Variants in CCDC63 observed in about 807,000 individuals in gnomAD.
CCDC63 encodes the protein coiled-coil domain containing 63.
CCDC63 carries 54 observed loss-of-function variants against 63.6 expected under a neutral mutation model. That is an observed-to-expected ratio of 0.85 (90% CI 0.68 to 1.07). CCDC63 has a LOEUF of 1.07. CCDC63 is among the 50% of genes least tolerant of loss of function. CCDC63 has a pLI of 0.00. For synonymous variants in CCDC63, 253 were observed against 266.1 expected (o/e 0.95, Z 0.48); for missense variants, 637 against 689.6 (o/e 0.92, Z 0.86).
Position 110,906,318 on chromosome 12 carries a change from A to AGAGGAG in CCDC63, c.1547-990_1547-985dup, listed in dbSNP as rs141428157. ...GAGGGAGGAAGGCTCAGAGGCAGGA[A>AGAGGAG]GAGGAGGAGGAGGAGGAGGAGGAGG... On this transcript the variant is annotated intron_variant, in intron 11 of 11. Transcript: ENST00000308208. Among the ~76,000 whole-genome samples, 361 of 131,946 alleles carry AGAGGAG rather than the reference A, an allele frequency of 2.7e-3. 4 individuals are homozygous for AGAGGAG. The highest frequency in any genetic ancestry group is 9.5e-3 in the African/African-American group (330 of 34,592). The allele number at this position is 131,946 out of a possible 152,430, so 86.6% of individuals were successfully genotyped here. A position where few individuals can be genotyped will look rare whatever the true frequency, so the allele number is the denominator to read the frequency against.
chr12:110,889,162 C>T lies in CCDC63; in HGVS notation c.1075-3914C>T, dbSNP rs1175977588. ...TTGTGTATCTGATTGAAGCAAATGT[C>T]CTTTTGGTTACTCGTTCATCCAGCA... On this transcript the variant is annotated intron_variant, in intron 8 of 11. Coordinates refer to ENST00000308208, the MANE Select transcript of CCDC63 (RefSeq NM_152591.3). This position sits in a 1 kb window ranked among gnomAD's most constrained non-coding sequence, Gnocchi z 4.1. 6.6e-6 allele frequency among the ~76,000 whole-genome samples: 1 copy of T among 152,090 alleles called. No homozygotes were observed. Among genetic ancestry groups the T allele is most frequent in the African/African-American group, 2.4e-5 (1 of 41,416 alleles).
At chr12:110,853,028 T>A in intron 2 of CCDC63, 65 bp downstream of exon 2, 1 of 1,533,652 alleles carries the variant, frequency 6.5e-7, no homozygotes, top group East Asian at 2.2e-5. Context: ...GCCATCCACT[T>A]TACACGTTAG....
At chr12:110,847,258 T>C (rs1403834263) in intron 1 of CCDC63, among the ~76,000 whole-genome samples, 153 bp downstream of exon 1, 1 of 152,108 alleles carries the variant, frequency 6.6e-6, no homozygotes, top group Non-Finnish European at 1.5e-5. Flanking sequence ...CATAAATAAA[T>C]TGTAGTGTGT....
At chr12:110,866,572 C>T (rs930931789) in intron 4 of CCDC63, among the ~76,000 whole-genome samples, 5 of 147,696 alleles carry the variant, frequency 3.4e-5, no homozygotes, top group Admixed American at 2.0e-4. Flanking sequence ...CATCTTGCAC[C>T]GCCCTTAATC....
At chr12:110,844,783 G>C (rs1168549821), upstream of CCDC63, among the ~76,000 whole-genome samples, 1 of 152,108 alleles carries the variant, frequency 6.6e-6, no homozygotes, top group East Asian at 1.9e-4. Context: ...GAACAAATTG[G>C]GATTGGCTGG....
At chr12:110,884,599 C>T (rs1361852115) in intron 8 of CCDC63, among the ~76,000 whole-genome samples, 1 of 152,158 alleles carries the variant, frequency 6.6e-6, no homozygotes, top group Non-Finnish European at 1.5e-5. Flanking sequence ...TGGTCTCGAA[C>T]TCCTGACCTC....
At chr12:110,893,534 C>G (rs1332312124) in intron 9 of CCDC63, among the ~76,000 whole-genome samples, 1 of 152,124 alleles carries the variant, frequency 6.6e-6, no homozygotes, top group African/African-American at 2.4e-5. Flanking sequence ...TCAGTAATAG[C>G]AAATACACAC....
chr12:110,868,827 G>C (rs2071024425), intron 4 of CCDC63, among the ~76,000 whole-genome samples: 1 of 150,280 alleles, frequency 6.7e-6, no homozygotes, highest in Admixed American at 6.7e-5. Flanking sequence ...CTTTAGTTGG[G>C]CTTTCTGTAA....
intron 9 of CCDC63, among the ~76,000 whole-genome samples, chr12:110,894,619 G>A (rs2136729190): frequency 6.6e-6 from 1 of 152,312 alleles, no homozygotes; most frequent in South Asian, 2.1e-4. Context: ...ATCTGGGTAT[G>A]GGGAATAACA....
At position 110,884,029 on chromosome 12, in the gene CCDC63, GCTC is replaced by G. The variant is rs2071243791; in HGVS notation, c.854_856del (p.Ala285_Leu286delinsVal). 3 of 1,612,846 alleles carry G rather than the reference GCTC, an allele frequency of 1.9e-6. No individual in the cohort carries two copies. The highest frequency in any genetic ancestry group is 2.5e-6 in the Non-Finnish European group (3 of 1,179,142). On this transcript the variant is annotated inframe_deletion and splice_region_variant, in exon 8 of 12. Transcript: ENST00000308208. ...ACAGTGGCTGATTTTTCCTTTCCTA[GCTC>G]TCAAGGCAAAGAAGCATGTCAAGAA...
At position 110,880,037 on chromosome 12, in the gene CCDC63, GA is replaced by G. The variant is rs576533076; in HGVS notation, c.625del (p.Thr209ProfsTer2). On this transcript the variant is annotated frameshift_variant, in exon 6 of 12. Transcript: ENST00000308208. LOFTEE classifies it high-confidence loss of function. ...QLQHCLLMEK[K>X]TMNLAIEQSS... is the part of the protein sequence containing the mutation. ...TCCAGCACTGCCTGTTGATGGAGAA[GA>G]AAACCATGAACTTGGCCATTGAGCA... is the stretch of plus-strand genomic sequence containing the variant. 4.0e-5 allele frequency: 65 copies of G among 1,614,162 alleles called. No individual in the cohort carries two copies. The African/African-American group carries it at 7.5e-4, about 19-fold the overall frequency.
intron 4 of CCDC63, among the ~76,000 whole-genome samples, chr12:110,868,786 A>AGGGAGG (rs2071023219): frequency 7.5e-6 from 1 of 134,164 alleles, no homozygotes; most frequent in Non-Finnish European, 1.6e-5. Context: ...GGAGAGGGAG[A>AGGGAGG]GGGAGAGGGA....
At chr12:110,874,145 G>A (rs556357150) in intron 5 of CCDC63, among the ~76,000 whole-genome samples, 184 bp downstream of exon 5, 22 of 151,828 alleles carry the variant, frequency 1.4e-4, no homozygotes, top group Non-Finnish European at 1.9e-4. Context: ...AGCAAATGCG[G>A]TTATCCCCTC....
rs1370508742 is a variant in CCDC63 at position 110,868,505 on chromosome 12, G to A, written c.370-5337G>A. On this transcript the variant is annotated intron_variant, in intron 4 of 11. Transcript: ENST00000308208. ...GGCACCTCGGGAGGCCGAGGTTGGC[G>A]GATCACTCGCGGTTAGGGGCTGGAG... Among the ~76,000 whole-genome samples, 344 of 150,000 alleles carry A rather than the reference G, an allele frequency of 2.3e-3. 1 individual carries two copies. Among genetic ancestry groups the A allele is most frequent in the African/African-American group, 7.9e-3 (324 of 40,824 alleles).
rs1269871582 is a variant in CCDC63, at chr12:110,847,106, G to GT, written c.-97+2dup. The GT allele has an allele frequency of 6.6e-6, 1 of 152,294 alleles. No individual in the cohort carries two copies. The highest frequency in any genetic ancestry group is 2.4e-5 in the African/African-American group (1 of 41,458). 9.4% of individuals were successfully genotyped at this position (152,294 alleles called of 1,614,324 possible). On this transcript the variant is annotated splice_donor_variant, in intron 1 of 11. Transcript: ENST00000308208. LOFTEE classifies it low-confidence loss of function (5UTR_SPLICE). Reference sequence around the variant, plus strand: ...ACAAGCAGTCCGGGCCCCGCCACTGGTAAGTTTCGCCGCCCGCCCGGCCGC... The same window carrying GT: ...ACAAGCAGTCCGGGCCCCGCCACTGGTTAAGTTTCGCCGCCCGCCCGGCCGC...
intron 4 of CCDC63, 116 bp from the exon 5 acceptor site, chr12:110,873,726 G>A (rs1214857824): frequency 2.3e-6 from 3 of 1,310,224 alleles, no homozygotes; most frequent in South Asian, 1.5e-5. Flanking sequence ...TTAGTGAACT[G>A]TAGAGCTGGT....
intron 11 of CCDC63, among the ~76,000 whole-genome samples, chr12:110,904,997 A>G (rs1245149981): frequency 2.0e-5 from 3 of 152,026 alleles, no homozygotes; most frequent in African/African-American, 4.8e-5. Flanking sequence ...TTTTCTCTCT[A>G]TGATGCTAGG....
chr12:110,861,985 C>T (rs1233052379), intron 4 of CCDC63, among the ~76,000 whole-genome samples: 5 of 152,070 alleles, frequency 3.3e-5, no homozygotes, highest in Admixed American at 6.6e-5. Flanking sequence ...ACGCCCCCTT[C>T]GTGGCTTGTT....
At chr12:110,896,165 G>C (rs943406631) in intron 9 of CCDC63, among the ~76,000 whole-genome samples, 8 of 152,100 alleles carry the variant, frequency 5.3e-5, no homozygotes, top group Non-Finnish European at 1.2e-4. Flanking sequence ...TTTTGAGACA[G>C]AGTCTTGCTC....
Sources: allele counts gnomAD v4.1 joint callset (sites outside exome capture counted in the v4.1 genomes callset), GRCh38; gene constraint gnomAD v4.1.1; non-coding constraint Gnocchi (gnomAD v3.1); transcripts MANE v1.5; gene names NCBI Gene and HGNC (gene_info 2026-07-23, HGNC 2026-07-21).